VPS50: variants seen among roughly 807,000 people sequenced by gnomAD.
VPS50 encodes the protein VPS50 subunit of EARP/GARPII complex.
VPS50 carries 70 observed loss-of-function variants against 139.7 expected under a neutral mutation model. That is an observed-to-expected ratio of 0.50 (90% confidence interval 0.41 to 0.61). The LOEUF (loss-of-function observed/expected upper bound fraction) is 0.61, where lower values mean the gene tolerates loss of function less well. VPS50 is among the 20% of genes least tolerant of loss of function. VPS50 has a pLI of 0.00. For missense variants in VPS50, 921 were observed against 1,133.7 expected, an observed-to-expected ratio of 0.81 and a Z score of 2.69; for synonymous variants, 365 against 376.7, an observed-to-expected ratio of 0.97 and a Z score of 0.36.
At chr7:93,302,004 G>T (rs1796990469) in intron 16 of VPS50, among the ~76,000 whole-genome samples, 1 of 152,132 alleles carries the variant, frequency 6.6e-6, no homozygotes, top group African/African-American at 2.4e-5. Flanking sequence ...GCATTTCCTT[G>T]ATGACTAATG....
chr7:93,325,698 G>A (rs998832549), intron 21 of VPS50, among the ~76,000 whole-genome samples: 6 of 152,030 alleles, frequency 3.9e-5, no homozygotes, highest in African/African-American at 1.5e-4. Flanking sequence ...ATGAAAAAAT[G>A]CTCACCATCA....
At position 93,311,182 on chromosome 7, in the gene VPS50, C is replaced by A; in HGVS notation, c.1765C>A (p.Leu589Ile). 2 of 1,321,468 alleles carry A rather than the reference C, an allele frequency of 1.5e-6. No homozygotes were observed. Among genetic ancestry groups the A allele is most frequent in the Non-Finnish European group, 2.2e-6 (2 of 913,520 alleles). 81.9% of individuals were successfully genotyped at this position (1,321,468 alleles called of 1,614,324 possible). ...GPVKSVSRET[L>I]KSRKKSDYSL... is the part of the protein sequence containing the mutation. ...CATATCAAGTGTTTCTCGGGAAACT[C>A]TAAAAAGCAGGAAGAAATCAGATTA... The change falls in exon 20 of 28, where the codon CTA becomes ATA. Residue 589 changes from leucine (L) to isoleucine (I), a missense_variant. Transcript: ENST00000305866.
At chr7:93,286,655 A>G (rs1796495130) in intron 12 of VPS50, among the ~76,000 whole-genome samples, 1 of 152,082 alleles carries the variant, frequency 6.6e-6, no homozygotes, top group Non-Finnish European at 1.5e-5. Context: ...TCCTCTTATT[A>G]GCCTGCCTTT....
intron 21 of VPS50, among the ~76,000 whole-genome samples, chr7:93,327,511 A>C (rs907893853): frequency 1.3e-5 from 2 of 152,172 alleles, no homozygotes; most frequent in African/African-American, 4.8e-5. Flanking sequence ...ATAGTTAGGT[A>C]CTTATTGTAA....
At chr7:93,286,007 CT>C (rs368515043) in intron 12 of VPS50, among the ~76,000 whole-genome samples, 28 of 151,704 alleles carry the variant, frequency 1.8e-4, no homozygotes, top group East Asian at 1.2e-3. Flanking sequence ...TTAAAATTTC[CT>C]TTTTTTTCTG....
intron 9 of VPS50, among the ~76,000 whole-genome samples, chr7:93,261,306 G>T (rs916209334): frequency 5.9e-5 from 9 of 152,172 alleles, no homozygotes; most frequent in East Asian, 1.9e-4. Context: ...ACCACATACA[G>T]TGTAATCAGT....
chr7:93,330,647 G>A (rs757390817), intron 21 of VPS50, among the ~76,000 whole-genome samples: 12 of 151,062 alleles, frequency 7.9e-5, no homozygotes, highest in Non-Finnish European at 1.0e-4. Flanking sequence ...CCAGTTACTC[G>A]GGATGCTGAG....
intron 21 of VPS50, 108 bp from the exon 22 acceptor site, chr7:93,334,009 A>G: frequency 1.4e-6 from 1 of 725,752 alleles, no homozygotes; most frequent in Non-Finnish European, 2.4e-6. Context: ...AAACCCTCTG[A>G]AGGCTAAGTA....
chr7:93,324,322 A>G (rs1378431490), intron 21 of VPS50, among the ~76,000 whole-genome samples: 2 of 152,126 alleles, frequency 1.3e-5, no homozygotes, highest in African/African-American at 2.4e-5. Context: ...TTCCAACACT[A>G]TGTTGAATAG....
chr7:93,250,388 C>A (rs1041989081), intron 2 of VPS50, among the ~76,000 whole-genome samples: 2 of 152,036 alleles, frequency 1.3e-5, no homozygotes, highest in African/African-American at 4.8e-5. Context: ...TAGAATGTCT[C>A]TATTTGAAAA....
At chr7:93,245,532 TTTC>T in intron 2 of VPS50, among the ~76,000 whole-genome samples, 1 of 152,038 alleles carries the variant, frequency 6.6e-6, no homozygotes, top group Non-Finnish European at 1.5e-5. Context: ...TGATGTGTCT[TTTC>T]TTCAGTGTTA....
chr7:93,331,277 T>G (rs1797933318), intron 21 of VPS50, among the ~76,000 whole-genome samples: 1 of 151,580 alleles, frequency 6.6e-6, no homozygotes, highest in South Asian at 2.1e-4. Flanking sequence ...ATTTTAAAAT[T>G]GATACAAAAA....
In VPS50 at chr7:93,285,982, T is replaced by C. The variant is rs184047476; in HGVS notation, c.943-5721T>C. ...TCTGTTATAGAGTTTATGGATTTTT[T>C]TTAAATTAGGATGGTTAAAATTTCC... On this transcript the variant is annotated intron_variant, in intron 12 of 27. Coordinates refer to ENST00000305866, the MANE Select transcript of VPS50 (RefSeq NM_017667.4). Among the ~76,000 whole-genome samples, 44 of 152,310 alleles carry C rather than the reference T, an allele frequency of 2.9e-4. 1 individual carries two copies. The East Asian group carries it at 7.5e-3, about 26-fold the overall frequency.
chr7:93,325,143 A>G (rs1056398237), intron 21 of VPS50, among the ~76,000 whole-genome samples: 4 of 152,200 alleles, frequency 2.6e-5, no homozygotes, highest in African/African-American at 4.8e-5. Flanking sequence ...AAAACGCCGC[A>G]TATCTACAAC....
intron 9 of VPS50, among the ~76,000 whole-genome samples, chr7:93,260,638 T>TC (rs1186450790): frequency 6.6e-6 from 1 of 152,086 alleles, no homozygotes; most frequent in African/African-American, 2.4e-5. Context: ...CTATGGTTTT[T>TC]TTTTTTCTTT....
chr7:93,253,091 T>C (rs1054555290), intron 3 of VPS50, among the ~76,000 whole-genome samples: 1 of 152,248 alleles, frequency 6.6e-6, no homozygotes, highest in African/African-American at 2.4e-5. Context: ...GACTTTTAAT[T>C]ACAAAATATG....
At chr7:93,239,839 T>C in intron 1 of VPS50, 27 bp from the exon 2 acceptor site, 1 of 1,376,086 alleles carries the variant, frequency 7.3e-7, no homozygotes, top group East Asian at 2.3e-5. Flanking sequence ...ATGATTAAAA[T>C]TTTCCTCATC....
intron 13 of VPS50, 109 bp downstream of exon 13, chr7:93,291,944 AC>A: frequency 1.5e-6 from 1 of 682,542 alleles, no homozygotes; most frequent in Non-Finnish European, 2.3e-6. Context: ...TTCAAAGATT[AC>A]AGTGACCATA....
At chr7:93,309,462 G>A (rs1359012404) in intron 19 of VPS50, among the ~76,000 whole-genome samples, 1 of 151,888 alleles carries the variant, frequency 6.6e-6, no homozygotes, top group Non-Finnish European at 1.5e-5. Flanking sequence ...ATTAGTTTTT[G>A]CAGAGGAAAA....
Sources: gnomAD v4.1 joint callset for allele counts (sites outside exome capture counted in the v4.1 genomes callset) on GRCh38, gnomAD v4.1.1 for gene constraint, MANE v1.5 for transcripts, NCBI Gene and HGNC (gene_info 2026-07-23, HGNC 2026-07-21) for gene names.